The following PDSS2 variants were observed in gnomAD, a reference collection of about 807,000 sequenced individuals.
PDSS2 encodes all trans-polyprenyl-diphosphate synthase PDSS2.
A neutral mutation model predicts 44.5 loss-of-function variants in PDSS2; 31 were observed. The ratio of observed to expected loss-of-function variants is 0.70; its 90% confidence interval spans 0.52 to 0.94. The LOEUF (loss-of-function observed/expected upper bound fraction) is 0.94, where lower values mean the gene tolerates loss of function less well. Ranked by LOEUF, PDSS2 falls within the 40% of genes least tolerant of loss-of-function variation. The probability of loss-of-function intolerance (pLI) is 0.00; values close to 1 mark genes in which losing one functional copy is unlikely to be tolerated. For synonymous variants in PDSS2, 157 were observed against 180.3 expected, an observed-to-expected ratio of 0.87 and a Z score of 1.03; for missense variants, 452 against 482.2, an observed-to-expected ratio of 0.94 and a Z score of 0.59.
chr6:107,217,239 T>C (rs1773442983), intron 4 of PDSS2, among the ~76,000 whole-genome samples: 1 of 152,172 alleles, frequency 6.6e-6, no homozygotes. Flanking sequence ...CCCTGGAAGC[T>C]ATGAATGTTA....
chr6:107,376,836 T>C (rs1025362231), intron 1 of PDSS2, among the ~76,000 whole-genome samples: 1 of 152,214 alleles, frequency 6.6e-6, no homozygotes, highest in African/African-American at 2.4e-5. Context: ...TGTCTTCCTA[T>C]GTAGAAAGCT....
intron 7 of PDSS2, among the ~76,000 whole-genome samples, chr6:107,162,038 T>C (rs1444849403): frequency 6.6e-6 from 1 of 152,158 alleles, no homozygotes; most frequent in African/African-American, 2.4e-5. Context: ...GGTCACACAA[T>C]TCTTGAAGAT....
intron 7 of PDSS2, among the ~76,000 whole-genome samples, chr6:107,188,361 AGAGT>A (rs1052718885): frequency 2.0e-5 from 3 of 151,750 alleles, no homozygotes; most frequent in Non-Finnish European, 4.4e-5. Flanking sequence ...TTTGGGTGAC[AGAGT>A]GAGACCCTGT....
At chr6:107,221,071 G>A (rs1232269909) in intron 4 of PDSS2, among the ~76,000 whole-genome samples, 2 of 152,150 alleles carry the variant, frequency 1.3e-5, no homozygotes, top group African/African-American at 2.4e-5. Context: ...GGACGGGCGC[G>A]GTGGCTCACG....
At chr6:107,436,229 C>G (rs1010735603) in intron 1 of PDSS2, among the ~76,000 whole-genome samples, 7 of 151,920 alleles carry the variant, frequency 4.6e-5, no homozygotes, top group African/African-American at 1.7e-4. Flanking sequence ...AAAAGGGAGA[C>G]AAATCTTGGC....
At chr6:107,405,282 A>G (rs1399642636) in intron 1 of PDSS2, among the ~76,000 whole-genome samples, 1 of 152,168 alleles carries the variant, frequency 6.6e-6, no homozygotes, top group African/African-American at 2.4e-5. Context: ...AAATGCTCAA[A>G]GGAGTCCTAA....
intron 7 of PDSS2, among the ~76,000 whole-genome samples, chr6:107,161,394 G>A (rs1554246686): frequency 6.6e-6 from 1 of 151,724 alleles, no homozygotes; most frequent in African/African-American, 2.4e-5. Context: ...GCAGGAGAAT[G>A]GCGTGACCCC....
intron 1 of PDSS2, among the ~76,000 whole-genome samples, chr6:107,352,390 A>T (rs1181214610): frequency 6.6e-6 from 1 of 152,154 alleles, no homozygotes; most frequent in Non-Finnish European, 1.5e-5. Flanking sequence ...TATATACTAA[A>T]CTCAGTAGAA....
At chr6:107,406,321 T>A (rs530759078) in intron 1 of PDSS2, among the ~76,000 whole-genome samples, 1 of 152,334 alleles carries the variant, frequency 6.6e-6, no homozygotes, top group South Asian at 2.1e-4. Context: ...AAGATACAAC[T>A]TCTTACTGTT....
intron 7 of PDSS2, among the ~76,000 whole-genome samples, chr6:107,191,017 A>G (rs113645058): frequency 0.051 from 7,732 of 151,984 alleles, 591 homozygotes; most frequent in African/African-American, 0.17. Context: ...TCAGCCTCCC[A>G]AGTAGCTGGG....
intron 7 of PDSS2, among the ~76,000 whole-genome samples, chr6:107,166,184 C>T (rs1562346104): frequency 6.6e-6 from 1 of 151,878 alleles, no homozygotes; most frequent in Non-Finnish European, 1.5e-5. Context: ...TTGCCCTGGC[C>T]AGAACTTCCA....
chr6:107,268,608 T>C (rs1449393335), intron 3 of PDSS2, among the ~76,000 whole-genome samples: 1 of 152,220 alleles, frequency 6.6e-6, no homozygotes, highest in Non-Finnish European at 1.5e-5. Flanking sequence ...CATAGTTTAA[T>C]CCATTTCTTA....
At position 107,165,881 on chromosome 6, in the gene PDSS2, A is replaced by G. The variant is rs1203703275; in HGVS notation, c.1042-11104T>C. Among the ~76,000 whole-genome samples the G allele has an allele frequency of 2.6e-5, 4 of 152,124 alleles. No homozygotes were observed. In the East Asian group the frequency reaches 5.8e-4, roughly 22 times the overall value. ...AGTTTTCCTTGAAGAGGTCCTTCAC[A>G]TCCCTTGTAAGTTGGATTCCTAGGT... On this transcript the variant is annotated intron_variant, in intron 7 of 7. Transcript: ENST00000369037.
At chr6:107,406,059 T>A (rs1780311202) in intron 1 of PDSS2, among the ~76,000 whole-genome samples, 1 of 152,144 alleles carries the variant, frequency 6.6e-6, no homozygotes, top group Admixed American at 6.6e-5. Context: ...ACAAAATTTT[T>A]AAAATTTAAT....
intron 6 of PDSS2, among the ~76,000 whole-genome samples, chr6:107,204,172 A>T (rs1772890372): frequency 6.6e-6 from 1 of 151,944 alleles, no homozygotes; most frequent in Admixed American, 6.6e-5. Flanking sequence ...CGATCTCCTG[A>T]CCTCGTGATC....
At chr6:107,316,313 T>C (rs1777195599) in intron 2 of PDSS2, among the ~76,000 whole-genome samples, 1 of 152,216 alleles carries the variant, frequency 6.6e-6, no homozygotes, top group Non-Finnish European at 1.5e-5. Context: ...ATCTTATATG[T>C]CTAGTATGTG....
intron 1 of PDSS2, among the ~76,000 whole-genome samples, chr6:107,446,577 CA>C (rs771353716): frequency 3.3e-5 from 5 of 152,068 alleles, no homozygotes; most frequent in Non-Finnish European, 5.9e-5. Context: ...AGGAAATACC[CA>C]AGACTGGGTA....
intron 1 of PDSS2, among the ~76,000 whole-genome samples, chr6:107,384,659 C>A (rs367680237): frequency 3.4e-5 from 5 of 145,238 alleles, no homozygotes; most frequent in Admixed American, 1.4e-4. Context: ...AAAAAAAACA[C>A]AAAAAAACAA....
chr6:107,248,828 T>G (rs943576136), intron 3 of PDSS2, among the ~76,000 whole-genome samples: 1 of 152,254 alleles, frequency 6.6e-6, no homozygotes, highest in African/African-American at 2.4e-5. Context: ...CATTTTTATC[T>G]GTTGTCTTCA....
Sources: allele counts gnomAD v4.1 joint callset (sites outside exome capture counted in the v4.1 genomes callset), GRCh38; gene constraint gnomAD v4.1.1; transcripts MANE v1.5; gene names NCBI Gene and HGNC (gene_info 2026-07-23, HGNC 2026-07-21).